Variants in RING1 observed in about 807,000 individuals in gnomAD.
The protein encoded by RING1 is ring finger protein 1, also known as E3 ubiquitin-protein ligase RING1.
A neutral mutation model predicts 35.0 loss-of-function variants in RING1; 8 were observed. That is an observed-to-expected ratio of 0.23 (90% CI 0.13 to 0.41). The LOEUF (loss-of-function observed/expected upper bound fraction) is 0.41, where lower values mean the gene tolerates loss of function less well. Ranked by LOEUF, RING1 falls within the 10% of genes least tolerant of loss-of-function variation. The pLI is 1.00. For synonymous variants in RING1, 214 were observed against 224.3 expected (o/e 0.95, Z 0.41); for missense variants, 343 against 546.8 (o/e 0.63, Z 3.72).
chr6:33,212,037 A>G (rs1225867871), intron 6 of RING1, 35 bp downstream of exon 6: 2 of 1,466,148 alleles, frequency 1.4e-6, no homozygotes, highest in Non-Finnish European at 1.8e-6. Flanking sequence ...AGAAGAGGGG[A>G]GAGGAGGGAG....
chr6:33,212,076 C>A (rs1775582438), intron 6 of RING1, 74 bp downstream of exon 6: 1 of 1,194,304 alleles, frequency 8.4e-7, no homozygotes, highest in African/African-American at 1.5e-5. Context: ...GAACCATGAG[C>A]CTGGTCTAAC....
rs775819775 is a variant in RING1, at chr6:33,211,861, C to T, written c.978C>T (p.Thr326=). Residue 326 remains threonine (T), a synonymous_variant, in exon 6 of 7, where the codon ACC becomes ACT. Coordinates refer to ENST00000374656, the MANE Select transcript of RING1 (RefSeq NM_002931.4). This position sits in a 1 kb window ranked among gnomAD's most constrained non-coding sequence, Gnocchi z 6.3. ...GGCCTGGAGGGGGCGCCTCTGACAC[C>T]GGAGGACCTGATGGGTGTGGCGGGG... ...PGGPGGGASD[T]GGPDGCGGEG... is the part of the protein sequence containing the mutation. 6.0e-5 allele frequency: 96 copies of T among 1,593,732 alleles called. No individual in the cohort carries two copies. In the East Asian group the frequency reaches 6.6e-4, roughly 11 times the overall value.
In RING1 at chr6:33,212,581, G is replaced by A; in HGVS notation, c.*182G>A. The A allele has an allele frequency of 2.0e-6, 1 of 501,772 alleles. No individual in the cohort carries two copies. Among genetic ancestry groups the A allele is most frequent in the East Asian group, 3.1e-5 (1 of 32,616 alleles). The allele number at this position is 501,772 out of a possible 1,614,324, so 31.1% of individuals were successfully genotyped here. The stretch of plus-strand genomic sequence containing the variant: ...GATTCTTCTATATTGTACAGAGTGG[G>A]GCAAAACACGCCCCCATCTGCTGCC... On this transcript the variant is annotated 3_prime_UTR_variant, in exon 7 of 7. Transcript: ENST00000374656.
In RING1 at chr6:33,209,504, C is replaced by T; in HGVS notation, c.79-122C>T. The T allele has an allele frequency of 1.1e-6, 1 of 928,210 alleles. No individual in the cohort carries two copies. Among genetic ancestry groups the T allele is most frequent in the South Asian group, 1.6e-5 (1 of 62,938 alleles). The allele number at this position is 928,210 out of a possible 1,614,324, so 57.5% of individuals were successfully genotyped here. A position where few individuals can be genotyped will look rare whatever the true frequency, so the allele number is the denominator to read the frequency against. The stretch of plus-strand genomic sequence containing the variant: ...CTTCTCTTTCTCAGAATTCTTGTCT[C>T]CTATAGAGACCAACATGGGTCTTCT... On this transcript the variant is annotated intron_variant, in intron 2 of 6. Coordinates refer to ENST00000374656, the MANE Select transcript of RING1 (RefSeq NM_002931.4). The surrounding 1 kb of genome is among the most constrained non-coding windows in gnomAD (Gnocchi z 5.1).
At position 33,209,565 on chromosome 6, in the gene RING1, C is replaced by A; in HGVS notation, c.79-61C>A. The A allele has an allele frequency of 6.6e-7, 1 of 1,521,718 alleles. No individual in the cohort carries two copies. The highest frequency in any genetic ancestry group is 9.0e-7 in the Non-Finnish European group (1 of 1,112,564). The allele number at this position is 1,521,718 out of a possible 1,614,324, so 94.3% of individuals were successfully genotyped here. On this transcript the variant is annotated intron_variant, in intron 2 of 6. Coordinates refer to ENST00000374656, the MANE Select transcript of RING1 (RefSeq NM_002931.4). This position sits in a 1 kb window ranked among gnomAD's most constrained non-coding sequence, Gnocchi z 5.1. ...CTCAAAATTCTTATTTTATGGGCTG[C>A]TGTTTCTAAAACCCCTTTCCCTCTA...
chr6:33,211,555 G>A lies in RING1; in HGVS notation c.845+8G>A. 1.9e-6 allele frequency: 3 copies of A among 1,607,310 alleles called. No individual in the cohort carries two copies. The highest frequency in any genetic ancestry group is 1.7e-6 in the Non-Finnish European group (2 of 1,178,956). Reference sequence around the variant, plus strand: ...AGAATACTGCCAGACGAGGTGAGGAGCCCTGTCTTTCCCCAGCCACTGAGA... The same window carrying A: ...AGAATACTGCCAGACGAGGTGAGGAACCCTGTCTTTCCCCAGCCACTGAGA... On this transcript the variant is annotated splice_region_variant and intron_variant, in intron 5 of 6. Transcript: ENST00000374656. This position sits in a 1 kb window ranked among gnomAD's most constrained non-coding sequence, Gnocchi z 6.3.
rs1337291827 is a variant in RING1 at position 33,211,332 on chromosome 6, G to T, written c.630G>T (p.Gly210=). ...GACCCCGTGGAGGGGGCGCAGGGGGGAGCAGTGTAGGGACAGGGGGAGGCG... is the reference window on the plus strand; with the variant it reads ...GACCCCGTGGAGGGGGCGCAGGGGGTAGCAGTGTAGGGACAGGGGGAGGCG... ...PKRPRGGGAG[G]SSVGTGGGGT... is the part of the protein sequence containing the mutation. Residue 210 remains glycine (G), a synonymous_variant, in exon 5 of 7, where the codon GGG becomes GGT. Transcript: ENST00000374656. The surrounding 1 kb of genome is among the most constrained non-coding windows in gnomAD (Gnocchi z 6.3). 2.5e-6 allele frequency: 4 copies of T among 1,607,290 alleles called. No homozygotes were observed. Among genetic ancestry groups the T allele is most frequent in the Admixed American group, 3.4e-5 (2 of 59,400 alleles).
chr6:33,212,475 TC>T lies in RING1; in HGVS notation c.*81del. 1.0e-6 allele frequency: 1 copy of T among 973,148 alleles called. No homozygotes were observed. Among genetic ancestry groups the T allele is most frequent in the Non-Finnish European group, 1.6e-6 (1 of 627,916 alleles). The allele number at this position is 973,148 out of a possible 1,614,324, so 60.3% of individuals were successfully genotyped here. ...CTGGTCTATCACCCCAGCTTCTTTG[TC>T]CCCCAGTACCCCCAGCCCAGCCAGC... On this transcript the variant is annotated 3_prime_UTR_variant, in exon 7 of 7. Transcript: ENST00000374656.
chr6:33,211,120 C>T lies in RING1; in HGVS notation c.456-38C>T, dbSNP rs377366654. On this transcript the variant is annotated intron_variant, in intron 4 of 6. Coordinates refer to ENST00000374656, the MANE Select transcript of RING1 (RefSeq NM_002931.4). This position sits in a 1 kb window ranked among gnomAD's most constrained non-coding sequence, Gnocchi z 6.3. Reference sequence around the variant, plus strand: ...GAAGTTTAAAGTCTAAGCCCTTTATCCTGGATGCCTTCTAACCTTAACCAC... The same window carrying T: ...GAAGTTTAAAGTCTAAGCCCTTTATTCTGGATGCCTTCTAACCTTAACCAC... The T allele has an allele frequency of 2.6e-6, 4 of 1,535,298 alleles. No individual in the cohort carries two copies. The highest frequency in any genetic ancestry group is 3.5e-6 in the Non-Finnish European group (4 of 1,139,488).
rs775373890 is a variant in RING1, at chr6:33,211,481, G to A, written c.779G>A (p.Gly260Glu). 5 of 1,611,096 alleles carry A rather than the reference G, an allele frequency of 3.1e-6. No homozygotes were observed. In the Admixed American group the frequency reaches 5.0e-5, roughly 16 times the overall value. The change falls in exon 5 of 7, where the codon GGA becomes GAA. Residue 260 changes from glycine (G) to glutamate (E), a missense_variant. Transcript: ENST00000374656. The surrounding 1 kb of genome is among the most constrained non-coding windows in gnomAD (Gnocchi z 6.3). ...GCCCCCAGCCCCCCAGAGCCAGGTG[G>A]AGAAATTGAGCTCGTGTTCCGGCCC... is the stretch of plus-strand genomic sequence containing the variant. ...PGAPSPPEPG[G>E]EIELVFRPHP...
chr6:33,209,438 C>A lies in RING1; in HGVS notation c.79-188C>A. The A allele has an allele frequency of 1.6e-6, 1 of 622,614 alleles. No individual in the cohort carries two copies. Among genetic ancestry groups the A allele is most frequent in the Non-Finnish European group, 2.8e-6 (1 of 358,578 alleles). The allele number at this position is 622,614 out of a possible 1,614,324, so 38.6% of individuals were successfully genotyped here. A position where few individuals can be genotyped will look rare whatever the true frequency, so the allele number is the denominator to read the frequency against. On this transcript the variant is annotated intron_variant, in intron 2 of 6. Coordinates refer to ENST00000374656, the MANE Select transcript of RING1 (RefSeq NM_002931.4). This position sits in a 1 kb window ranked among gnomAD's most constrained non-coding sequence, Gnocchi z 5.1. ...AGCTCCTACTCTTAGTTAATGGACA[C>A]TAAAGTCTGTCTTTTCTCCATTTGC...
Position 33,208,975 on chromosome 6 carries a change from CT to C in RING1, c.78+79del, listed in dbSNP as rs1775347199. ...ATCCACAGACCGCATCACACAGCTT[CT>C]TTTCCGTAATTTGCTCTATTCTGCC... On this transcript the variant is annotated intron_variant, in intron 2 of 6. Transcript: ENST00000374656. The surrounding 1 kb of genome is among the most constrained non-coding windows in gnomAD (Gnocchi z 6.2). 8.0e-7 allele frequency: 1 copy of C among 1,242,806 alleles called. No individual in the cohort carries two copies. The highest frequency in any genetic ancestry group is 1.2e-6 in the Non-Finnish European group (1 of 862,334). The allele number at this position is 1,242,806 out of a possible 1,614,324, so 77.0% of individuals were successfully genotyped here.
rs1182619342 is a variant in RING1, at chr6:33,209,898, C to T, written c.240-17C>T. On this transcript the variant is annotated splice_polypyrimidine_tract_variant and intron_variant, in intron 3 of 6. Transcript: ENST00000374656. The surrounding 1 kb of genome is among the most constrained non-coding windows in gnomAD (Gnocchi z 5.1). ...TCCCTTGACTGACCACTCAGGGCTT[C>T]CCTTCTCCTACCCCAGGAACAAGGA... The T allele has an allele frequency of 1.9e-6, 3 of 1,613,784 alleles. No individual in the cohort carries two copies. The highest frequency in any genetic ancestry group is 3.3e-5 in the Admixed American group (2 of 59,980).
rs536553738 is a variant in RING1, at chr6:33,211,850, G to A, written c.967G>A (p.Ala323Thr). 1.2e-5 allele frequency: 20 copies of A among 1,611,738 alleles called. 1 individual carries two copies. Among genetic ancestry groups the A allele is most frequent in the South Asian group, 1.2e-4 (11 of 90,776 alleles). ...AGEPGGPGGG[A>T]SDTGGPDGCG... ...GGAGCCAGGAGGGCCTGGAGGGGGC[G>A]CCTCTGACACCGGAGGACCTGATGG... Residue 323 changes from alanine to threonine, a missense_variant, in exon 6 of 7, where the codon GCC (alanine) becomes ACC (threonine). Coordinates refer to ENST00000374656, the MANE Select transcript of RING1 (RefSeq NM_002931.4). This position sits in a 1 kb window ranked among gnomAD's most constrained non-coding sequence, Gnocchi z 6.3.
intron 4 of RING1, among the ~76,000 whole-genome samples, chr6:33,210,620 A>C (rs1775456892): frequency 6.6e-6 from 1 of 152,158 alleles, no homozygotes. Context: ...GTCACAAAAA[A>C]AAAAAAAGGA....
Position 33,211,161 on chromosome 6 carries a change from C to T in RING1, c.459C>T (p.Ala153=), listed in dbSNP as rs1288965173. 6.3e-7 allele frequency: 1 copy of T among 1,595,980 alleles called. No individual in the cohort carries two copies. Among genetic ancestry groups the T allele is most frequent in the East Asian group, 2.2e-5 (1 of 44,458 alleles). ...EGLRMQAMHR[A]QRVRRPIPGS... ...CCTTAACCACTTGCTTCTACAGGGC[C>T]CAGCGTGTGAGGCGGCCGATACCAG... The change falls in exon 5 of 7, where the codon GCC becomes GCT. Residue 153 remains alanine (A), a synonymous_variant. Coordinates refer to ENST00000374656, the MANE Select transcript of RING1 (RefSeq NM_002931.4). The surrounding 1 kb of genome is among the most constrained non-coding windows in gnomAD (Gnocchi z 6.3).
chr6:33,211,596 A>G lies in RING1; in HGVS notation c.845+49A>G. ...GCCACTGAGAAACCAAAGATCACCT[A>G]GATTTCCATCAGAAGTGGGCTTTGC... On this transcript the variant is annotated intron_variant, in intron 5 of 6. Coordinates refer to ENST00000374656, the MANE Select transcript of RING1 (RefSeq NM_002931.4). The surrounding 1 kb of genome is among the most constrained non-coding windows in gnomAD (Gnocchi z 6.3). 1 of 1,590,304 alleles carries G rather than the reference A, an allele frequency of 6.3e-7. No homozygotes were observed.
intron 6 of RING1, 114 bp from the exon 7 acceptor site, chr6:33,212,184 T>G (rs930513398): frequency 1.1e-6 from 1 of 905,376 alleles, no homozygotes; most frequent in Non-Finnish European, 1.7e-6. Context: ...CTTTTATTAT[T>G]CCTTTTTTCT....
Position 33,211,456 on chromosome 6 carries a change from G to T in RING1, c.754G>T (p.Ala252Ser). ...GCTGGGCCCCCCAAGCCCTCCTGGGGCCCCCAGCCCCCCAGAGCCAGGTGG... is the reference window on the plus strand; with the variant it reads ...GCTGGGCCCCCCAAGCCCTCCTGGGTCCCCCAGCCCCCCAGAGCCAGGTGG... The part of the protein sequence containing the change: ...GTLGPPSPPG[A>S]PSPPEPGGEI... Residue 252 changes from alanine (A) to serine (S), a missense_variant, in exon 5 of 7, where the codon GCC becomes TCC. This residue lies in a region of RING1 where 278 missense variants were observed against 383.5 expected (regional missense o/e 0.72). Transcript: ENST00000374656. The surrounding 1 kb of genome is among the most constrained non-coding windows in gnomAD (Gnocchi z 6.3). 6.3e-7 allele frequency: 1 copy of T among 1,597,698 alleles called. No homozygotes were observed. The highest frequency in any genetic ancestry group is 8.5e-7 in the Non-Finnish European group (1 of 1,172,130).
Sources: gnomAD v4.1 joint callset for allele counts (sites outside exome capture counted in the v4.1 genomes callset) on GRCh38, gnomAD v4.1.1 for gene constraint, gnomAD v4.1.1 regional missense constraint, Gnocchi (gnomAD v3.1) non-coding constraint, MANE v1.5 for transcripts, NCBI Gene and HGNC (gene_info 2026-07-23, HGNC 2026-07-21) for gene names.